RAPGEF4: variants seen among roughly 807,000 people sequenced by gnomAD.
The protein encoded by RAPGEF4 is RAP guanine-nucleotide-exchange factor (GEF) 4.
RAPGEF4 carries 66 observed loss-of-function variants against 147.9 expected under a neutral mutation model. The observed-to-expected ratio is 0.45, with a 90% CI of 0.37 to 0.55. The LOEUF (loss-of-function observed/expected upper bound fraction) is 0.55. Among genes scored for constraint, RAPGEF4 ranks in the 20% least tolerant of loss-of-function variants. The probability of loss-of-function intolerance (pLI) is 0.00; values close to 1 mark genes in which losing one functional copy is unlikely to be tolerated. For missense variants in RAPGEF4, 1,071 were observed against 1,257.3 expected (o/e 0.85, Z 2.24); for synonymous variants, 419 against 442.7 (o/e 0.95, Z 0.67).
intron 4 of RAPGEF4, among the ~76,000 whole-genome samples, chr2:172,914,355 G>A (rs1683807674): frequency 1.0e-5 from 1 of 95,342 alleles, no homozygotes; most frequent in African/African-American, 4.2e-5. Context: ...TTTTTTTGGA[G>A]ACAGAGTTTC....
chr2:172,888,629 A>G (rs1264462015), intron 4 of RAPGEF4, among the ~76,000 whole-genome samples: 1 of 152,248 alleles, frequency 6.6e-6, no homozygotes, highest in African/African-American at 2.4e-5. Flanking sequence ...GATAATTCTC[A>G]GCCCCAAATA....
chr2:172,761,214 T>C (rs1329948759), intron 1 of RAPGEF4, among the ~76,000 whole-genome samples: 4 of 151,456 alleles, frequency 2.6e-5, no homozygotes, highest in Non-Finnish European at 5.9e-5. Context: ...CAACCTCTGC[T>C]CCCTGGGTTC....
At chr2:172,894,357 G>C (rs922611781) in intron 4 of RAPGEF4, 3 of 152,194 alleles carry the variant, frequency 2.0e-5, no homozygotes, top group African/African-American at 7.2e-5. Flanking sequence ...TATACCACTG[G>C]CCAGAGATTC....
At chr2:172,985,668 G>A (rs1373493045) in intron 12 of RAPGEF4, among the ~76,000 whole-genome samples, 175 bp downstream of exon 12, 1 of 152,172 alleles carries the variant, frequency 6.6e-6, no homozygotes, top group African/African-American at 2.4e-5. Flanking sequence ...TCCAGCACAT[G>A]TCAATTATTC....
chr2:172,977,132 G>C (rs994161567), intron 10 of RAPGEF4, among the ~76,000 whole-genome samples: 1 of 152,198 alleles, frequency 6.6e-6, no homozygotes, highest in African/African-American at 2.4e-5. Context: ...CAGCCTTGTA[G>C]GTTACTCTTA....
chr2:172,855,218 T>C (rs563865019), intron 4 of RAPGEF4, among the ~76,000 whole-genome samples: 9 of 152,292 alleles, frequency 5.9e-5, no homozygotes, highest in South Asian at 2.1e-4. Context: ...TGCATTAATT[T>C]TTAATGGTTG....
intron 4 of RAPGEF4, among the ~76,000 whole-genome samples, chr2:172,916,977 A>C (rs72908283): frequency 0.016 from 2,409 of 152,358 alleles, 24 homozygotes; most frequent in South Asian, 0.037. Flanking sequence ...CCCAGCTTCC[A>C]TTCTGAAAGG....
At chr2:172,962,355 A>C (rs561158933) in intron 8 of RAPGEF4, among the ~76,000 whole-genome samples, 1 of 152,184 alleles carries the variant, frequency 6.6e-6, no homozygotes, top group Non-Finnish European at 1.5e-5. Flanking sequence ...CTGAAAAACT[A>C]GAATACAAAT....
intron 6 of RAPGEF4, among the ~76,000 whole-genome samples, chr2:172,934,433 G>A (rs1464197285): frequency 6.6e-6 from 1 of 152,124 alleles, no homozygotes; most frequent in Non-Finnish European, 1.5e-5. Flanking sequence ...TTACAGGTGT[G>A]AGCCACCACG....
chr2:172,790,588 C>G (rs1685716135), intron 1 of RAPGEF4, among the ~76,000 whole-genome samples: 1 of 152,166 alleles, frequency 6.6e-6, no homozygotes, highest in Non-Finnish European at 1.5e-5. Flanking sequence ...GGCTGTTGAT[C>G]TTGACTGTCT....
At chr2:172,924,838 T>G (rs1375556389) in intron 6 of RAPGEF4, among the ~76,000 whole-genome samples, 1 of 152,170 alleles carries the variant, frequency 6.6e-6, no homozygotes, top group Non-Finnish European at 1.5e-5. Context: ...TGGACTGAAA[T>G]AAAAACATTT....
At chr2:172,956,374 A>G (rs1464345753) in intron 6 of RAPGEF4, among the ~76,000 whole-genome samples, 4 of 152,078 alleles carry the variant, frequency 2.6e-5, no homozygotes, top group African/African-American at 7.2e-5. Flanking sequence ...TCCTGGCTGC[A>G]CTGGACTGCT....
intron 29 of RAPGEF4, among the ~76,000 whole-genome samples, chr2:173,037,180 T>C (rs1057043587): frequency 9.2e-5 from 14 of 152,232 alleles, no homozygotes; most frequent in African/African-American, 3.4e-4. Flanking sequence ...ATGAAAACCT[T>C]TATAATAAAA....
chr2:172,991,788 C>T (rs1692861723), intron 15 of RAPGEF4, among the ~76,000 whole-genome samples: 1 of 152,164 alleles, frequency 6.6e-6, no homozygotes, highest in Admixed American at 6.5e-5. Flanking sequence ...TTTATCAAGG[C>T]ATTCACCATA....
At chr2:172,960,963 C>G in intron 7 of RAPGEF4, 150 bp downstream of exon 7, 2 of 852,864 alleles carry the variant, frequency 2.3e-6, no homozygotes, top group Non-Finnish European at 3.7e-6. Context: ...TCAACATAAA[C>G]CAGTGACATA....
At chr2:172,857,750 C>T (rs190159155) in intron 4 of RAPGEF4, among the ~76,000 whole-genome samples, 5 of 151,820 alleles carry the variant, frequency 3.3e-5, no homozygotes, top group East Asian at 3.9e-4. Context: ...GGTGTGGTGG[C>T]GTGCCTGCAG....
At chr2:172,916,230 G>A (rs1231937554) in intron 4 of RAPGEF4, among the ~76,000 whole-genome samples, 2 of 152,126 alleles carry the variant, frequency 1.3e-5, no homozygotes, top group Admixed American at 1.3e-4. Context: ...TTGACATTAA[G>A]GTGCCTGAGA....
At chr2:172,966,375 C>T (rs983216097) in intron 9 of RAPGEF4, among the ~76,000 whole-genome samples, 1 of 152,172 alleles carries the variant, frequency 6.6e-6, no homozygotes, top group Non-Finnish European at 1.5e-5. Context: ...AATGTGCATA[C>T]ATGTCACCTG....
At chr2:172,745,266 T>G (rs13012583) in intron 1 of RAPGEF4, among the ~76,000 whole-genome samples, 16,336 of 152,172 alleles carry the variant, frequency 0.11, 1,075 homozygotes, top group Non-Finnish European at 0.14. Flanking sequence ...CAAACTGTAA[T>G]AGAGGACTGT....
Sources: allele counts gnomAD v4.1 joint callset (sites outside exome capture counted in the v4.1 genomes callset), GRCh38; gene constraint gnomAD v4.1.1; transcripts MANE v1.5; gene names NCBI Gene and HGNC (gene_info 2026-07-23, HGNC 2026-07-21).